The following UGCG variants were observed in gnomAD, a reference collection of about 807,000 sequenced individuals.
UGCG encodes the protein UDP-glucose ceramide glucosyltransferase, also known as ceramide glucosyltransferase.
Under a neutral mutation model 49.5 loss-of-function variants are expected in UGCG, and 10 were observed. That is an observed-to-expected ratio of 0.20 (90% CI 0.12 to 0.34). The LOEUF (loss-of-function observed/expected upper bound fraction) is 0.34, where lower values mean the gene tolerates loss of function less well. Ranked by LOEUF, UGCG falls within the 10% of genes least tolerant of loss-of-function variation. The probability of loss-of-function intolerance (pLI) is 1.00; values close to 1 mark genes in which losing one functional copy is unlikely to be tolerated. For missense variants in UGCG, 312 were observed against 483.7 expected, an observed-to-expected ratio of 0.65 and a Z score of 3.33; for synonymous variants, 182 against 158.2, an observed-to-expected ratio of 1.15 and a Z score of -1.13.
chr9:111,899,977 T>TGGCAGATG (rs1213182143), intron 1 of UGCG, among the ~76,000 whole-genome samples: 4 of 152,250 alleles, frequency 2.6e-5, no homozygotes, highest in African/African-American at 9.6e-5. Flanking sequence ...GGCAGATGTT[T>TGGCAGATG]GTAGGATTTC....
intron 1 of UGCG, among the ~76,000 whole-genome samples, chr9:111,910,196 C>T (rs189324992): frequency 2.2e-4 from 33 of 152,304 alleles, no homozygotes; most frequent in African/African-American, 7.7e-4. Context: ...ATGTAATCGC[C>T]TCTAGACTAT....
chr9:111,925,968 T>G (rs1043940746), intron 4 of UGCG, among the ~76,000 whole-genome samples: 1 of 152,204 alleles, frequency 6.6e-6, no homozygotes, highest in Non-Finnish European at 1.5e-5. Flanking sequence ...AATCTGATAC[T>G]CACAGAGAAA....
intron 1 of UGCG, among the ~76,000 whole-genome samples, chr9:111,910,111 G>T (rs1837968669): frequency 1.3e-5 from 2 of 152,182 alleles, no homozygotes; most frequent in Non-Finnish European, 2.9e-5. Flanking sequence ...CAAAGGAGGA[G>T]GTGTATCTAA....
intron 1 of UGCG, among the ~76,000 whole-genome samples, chr9:111,898,741 C>T (rs1418854944): frequency 6.6e-6 from 1 of 152,130 alleles, no homozygotes; most frequent in Admixed American, 6.6e-5. Context: ...AATATGCACA[C>T]ACCAAAACTA....
rs560362919 is a variant in UGCG, at chr9:111,909,423, A to G, written c.99-5182A>G. On this transcript the variant is annotated intron_variant, in intron 1 of 8. Transcript: ENST00000374279. ...GTAGAAATCTGTAGATTGGTTTCCA[A>G]CACACTGGTCATGGCCAAAGGCATT... Among the ~76,000 whole-genome samples the G allele has an allele frequency of 1.2e-4, 19 of 152,314 alleles. No homozygotes were observed. The East Asian group carries it at 3.1e-3, about 25-fold the overall frequency.
At position 111,932,807 on chromosome 9, in the gene UGCG, A is replaced by AC; in HGVS notation, c.1015-20_1015-19insC. 6.6e-7 allele frequency: 1 copy of AC among 1,523,066 alleles called. No homozygotes were observed. The highest frequency in any genetic ancestry group is 8.8e-7 in the Non-Finnish European group (1 of 1,134,020). The allele number at this position is 1,523,066 out of a possible 1,614,324, so 94.3% of individuals were successfully genotyped here. A position where few individuals can be genotyped will look rare whatever the true frequency, so the allele number is the denominator to read the frequency against. On this transcript the variant is annotated intron_variant, in intron 8 of 8. Coordinates refer to ENST00000374279, the MANE Select transcript of UGCG (RefSeq NM_003358.3). ...GTTTGACAGTGAGTGAAATTAAAAA[A>AC]TTTTTTTTTCCATTCCTAGGGTGGC...
intron 2 of UGCG, among the ~76,000 whole-genome samples, chr9:111,921,982 TA>T (rs1415117961): frequency 6.6e-6 from 1 of 151,602 alleles, no homozygotes; most frequent in East Asian, 1.9e-4. Flanking sequence ...CAGCTAATTT[TA>T]AAAATTTTTT....
At chr9:111,912,057 G>A (rs1296589415) in intron 1 of UGCG, among the ~76,000 whole-genome samples, 16 of 57,606 alleles carry the variant, frequency 2.8e-4, no homozygotes, top group Non-Finnish European at 1.2e-4. Context: ...TATATATCCT[G>A]TTGAATCAAT....
At chr9:111,903,792 C>T (rs570782494) in intron 1 of UGCG, among the ~76,000 whole-genome samples, 52 of 152,160 alleles carry the variant, frequency 3.4e-4, no homozygotes, top group African/African-American at 1.2e-3. Context: ...GACGGGGTTC[C>T]GCCGTGTTGG....
At chr9:111,903,206 C>T (rs1228830457) in intron 1 of UGCG, among the ~76,000 whole-genome samples, 1 of 152,202 alleles carries the variant, frequency 6.6e-6, no homozygotes, top group African/African-American at 2.4e-5. Flanking sequence ...GTGGGTTTCC[C>T]TGCATCCCAG....
chr9:111,903,584 T>A (rs1486669691), intron 1 of UGCG, among the ~76,000 whole-genome samples: 2 of 152,092 alleles, frequency 1.3e-5, no homozygotes, highest in African/African-American at 4.8e-5. Context: ...AGAAAAATGT[T>A]CCCACCTTGG....
intron 2 of UGCG, among the ~76,000 whole-genome samples, chr9:111,916,014 A>G (rs1838103842): frequency 6.6e-6 from 1 of 152,156 alleles, no homozygotes; most frequent in Admixed American, 6.5e-5. Flanking sequence ...TGAATTAAAT[A>G]CATGTGTTAA....
intron 1 of UGCG, among the ~76,000 whole-genome samples, chr9:111,907,179 G>A (rs1837902220): frequency 6.6e-6 from 1 of 152,142 alleles, no homozygotes; most frequent in African/African-American, 2.4e-5. Flanking sequence ...AGGAGTAGTT[G>A]GATGCTTCCA....
chr9:111,897,440 G>T, intron 1 of UGCG, 127 bp downstream of exon 1: 2 of 731,252 alleles, frequency 2.7e-6, no homozygotes, highest in Non-Finnish European at 4.4e-6. Context: ...TGATCGTCAG[G>T]CTGTTCCCCC....
chr9:111,899,255 T>G (rs980695577), intron 1 of UGCG, among the ~76,000 whole-genome samples: 1 of 152,274 alleles, frequency 6.6e-6, no homozygotes, highest in Non-Finnish European at 1.5e-5. Context: ...TTTTAAACTT[T>G]GATACATATT....
At chr9:111,924,730 T>C in intron 3 of UGCG, 47 bp from the exon 4 acceptor site, 1 of 1,023,084 alleles carries the variant, frequency 9.8e-7, no homozygotes, top group Non-Finnish European at 1.4e-6. Flanking sequence ...TATAAAATAT[T>C]TTTAATGTTG....
chr9:111,897,220 C>G lies in UGCG; in HGVS notation c.5C>G (p.Ala2Gly). M[A>G]LLDLALEGMA... The stretch of plus-strand genomic sequence containing the variant: ...GCCGGTCCGGCGGGCCGGGGGATGG[C>G]GCTGCTGGACCTGGCCTTGGAGGGA... The change falls in exon 1 of 9, where the codon GCG (alanine) becomes GGG (glycine). Residue 2 changes from alanine to glycine, a missense_variant. Ala to Gly is a moderately conservative substitution (Grantham distance 60). Coordinates refer to ENST00000374279, the MANE Select transcript of UGCG (RefSeq NM_003358.3). 6.5e-7 allele frequency: 1 copy of G among 1,546,534 alleles called. No individual in the cohort carries two copies. The highest frequency in any genetic ancestry group is 2.4e-5 in the East Asian group (1 of 40,830).
intron 2 of UGCG, among the ~76,000 whole-genome samples, chr9:111,919,794 CAAAAAAA>C (rs61089422): frequency 9.2e-5 from 7 of 76,352 alleles, no homozygotes; most frequent in Non-Finnish European, 1.1e-4. Flanking sequence ...GACTCCATCT[CAAAAAAA>C]AAAAAAAAAA....
chr9:111,926,654 T>C (rs1240926221), intron 5 of UGCG, among the ~76,000 whole-genome samples, 158 bp downstream of exon 5: 2 of 151,986 alleles, frequency 1.3e-5, no homozygotes, highest in Non-Finnish European at 2.9e-5. Flanking sequence ...AGAGCAGCTG[T>C]TTTCATTAGT....
Sources: gnomAD v4.1 joint callset for allele counts (sites outside exome capture counted in the v4.1 genomes callset) on GRCh38, gnomAD v4.1.1 for gene constraint, MANE v1.5 for transcripts, NCBI Gene and HGNC (gene_info 2026-07-23, HGNC 2026-07-21) for gene names.